CHID1: variants seen among roughly 807,000 people sequenced by gnomAD.
The protein encoded by CHID1 is chitinase domain containing 1.
Under a neutral mutation model 55.4 loss-of-function variants are expected in CHID1, and 44 were observed. The observed-to-expected ratio is 0.79, with a 90% CI of 0.62 to 1.02. The LOEUF (loss-of-function observed/expected upper bound fraction) is 1.02, where lower values mean the gene tolerates loss of function less well. CHID1 is among the 50% of genes least tolerant of loss of function. The pLI, the probability that CHID1 is intolerant of heterozygous loss-of-function variation, is 0.00. For missense variants in CHID1, 491 were observed against 515.3 expected, an observed-to-expected ratio of 0.95 and a Z score of 0.46; for synonymous variants, 216 against 212.9, an observed-to-expected ratio of 1.01 and a Z score of -0.13.
chr11:892,572 G>A (rs1850924644), intron 8 of CHID1, among the ~76,000 whole-genome samples: 1 of 152,178 alleles, frequency 6.6e-6, no homozygotes. Flanking sequence ...CAACTGCGCT[G>A]TGCTGGGAGC....
rs1024684308 is a variant in CHID1 at position 884,004 on chromosome 11, G to A, written c.803+64C>T. 8 of 1,292,600 alleles carry A rather than the reference G, an allele frequency of 6.2e-6. 1 individual carries two copies. The highest frequency in any genetic ancestry group is 5.8e-5 in the African/African-American group (4 of 68,720). The allele number at this position is 1,292,600 out of a possible 1,614,324, so 80.1% of individuals were successfully genotyped here. ...TCAGCTGTGCCCAGGAGCCCCCCAG[G>A]TCCACACTCACTGCTGCACTGTGGA... On this transcript the variant is annotated intron_variant, in intron 9 of 12. Transcript: ENST00000323578.
chr11:891,490 G>A (rs572207020), intron 8 of CHID1, among the ~76,000 whole-genome samples: 1 of 152,334 alleles, frequency 6.6e-6, no homozygotes, highest in East Asian at 1.9e-4. Context: ...CTCAGGCAGA[G>A]GCTGCCACCA....
chr11:894,832 A>C (rs566471724), intron 7 of CHID1, among the ~76,000 whole-genome samples: 3 of 152,302 alleles, frequency 2.0e-5, no homozygotes, highest in African/African-American at 7.2e-5. Flanking sequence ...GGCATGTGCA[A>C]CTGCTGCATA....
intron 7 of CHID1, 123 bp from the exon 8 acceptor site, chr11:893,642 C>A (rs1851019374): frequency 1.4e-6 from 1 of 695,808 alleles, no homozygotes; most frequent in Admixed American, 3.0e-5. Context: ...TGCAGCAGGG[C>A]AGGTGGGCCC....
intron 10 of CHID1, among the ~76,000 whole-genome samples, chr11:882,112 G>A (rs959707734): frequency 1.3e-5 from 2 of 152,126 alleles, no homozygotes; most frequent in African/African-American, 4.8e-5. Flanking sequence ...GGATCATGAG[G>A]TCAGGAGATC....
At chr11:895,023 A>G (rs1851157336) in intron 7 of CHID1, among the ~76,000 whole-genome samples, 1 of 152,172 alleles carries the variant, frequency 6.6e-6, no homozygotes, top group African/African-American at 2.4e-5. Flanking sequence ...ACGCCTCTGC[A>G]GCTGTGTCCA....
At chr11:903,374 A>G (rs961499783) in intron 2 of CHID1, among the ~76,000 whole-genome samples, 7 of 152,194 alleles carry the variant, frequency 4.6e-5, no homozygotes, top group Non-Finnish European at 8.8e-5. Flanking sequence ...AGGCAGGCAG[A>G]CAGACAGTTA....
chr11:900,487 G>A (rs1241404832), intron 5 of CHID1, among the ~76,000 whole-genome samples: 1 of 152,160 alleles, frequency 6.6e-6, no homozygotes, highest in East Asian at 1.9e-4. Context: ...TTGGCAACTT[G>A]TGCTCTTAAT....
intron 10 of CHID1, among the ~76,000 whole-genome samples, chr11:873,072 G>A (rs529691892): frequency 1.3e-5 from 2 of 152,292 alleles, no homozygotes; most frequent in Non-Finnish European, 2.9e-5. Flanking sequence ...AGCAGGCCCT[G>A]GGGACGAGGA....
At chr11:886,649 G>A (rs574752259) in intron 8 of CHID1, among the ~76,000 whole-genome samples, 3 of 152,186 alleles carry the variant, frequency 2.0e-5, no homozygotes, top group South Asian at 2.1e-4. Flanking sequence ...TCTGCCATGC[G>A]AGGACACAGC....
At chr11:905,752 G>A (rs996687577) in intron 1 of CHID1, among the ~76,000 whole-genome samples, 6 of 152,120 alleles carry the variant, frequency 3.9e-5, no homozygotes, top group African/African-American at 1.4e-4. Context: ...TAAGTACTAG[G>A]AGAAAATATA....
chr11:910,932 G>A (rs978394926), upstream of CHID1: 36 of 694,868 alleles, frequency 5.2e-5, no homozygotes, highest in Non-Finnish European at 6.4e-5. Flanking sequence ...AGGGCTGCCC[G>A]AAAGTCGGGG....
upstream of CHID1, chr11:910,885 G>C (rs900986460): frequency 2.0e-5 from 21 of 1,036,490 alleles, no homozygotes; most frequent in Non-Finnish European, 2.4e-5. Flanking sequence ...CGGCACGCTG[G>C]GATGGAGAGG....
chr11:887,623 C>A (rs975029586), intron 8 of CHID1, among the ~76,000 whole-genome samples: 2 of 152,234 alleles, frequency 1.3e-5, no homozygotes, highest in African/African-American at 4.8e-5. Flanking sequence ...AATCTCATGG[C>A]AGCCCTGTCA....
At position 900,877 on chromosome 11, in the gene CHID1, C is replaced by A; in HGVS notation, c.439+59G>T. Reference sequence around the variant, plus strand: ...GAACACGTGGAGACCCCAGTGCCCACCTGTCCACCCCCGCAGTTTGAGCCA... The same window carrying A: ...GAACACGTGGAGACCCCAGTGCCCAACTGTCCACCCCCGCAGTTTGAGCCA... On this transcript the variant is annotated intron_variant, in intron 5 of 12. Transcript: ENST00000323578. The A allele has an allele frequency of 6.1e-6, 9 of 1,475,330 alleles. No individual in the cohort carries two copies. The South Asian group carries it at 9.6e-5, about 16-fold the overall frequency. The allele number at this position is 1,475,330 out of a possible 1,614,324, so 91.4% of individuals were successfully genotyped here.
At chr11:877,625 G>A (rs1271440235) in intron 10 of CHID1, among the ~76,000 whole-genome samples, 1 of 152,218 alleles carries the variant, frequency 6.6e-6, no homozygotes, top group African/African-American at 2.4e-5. Flanking sequence ...ATGGTGTAAT[G>A]GGCTGAGCTG....
At chr11:896,072 C>T (rs993526704) in intron 7 of CHID1, among the ~76,000 whole-genome samples, 13 of 151,888 alleles carry the variant, frequency 8.6e-5, no homozygotes, top group African/African-American at 3.1e-4. Flanking sequence ...ACGAGGCCGT[C>T]TCAGCACCCG....
upstream of CHID1, among the ~76,000 whole-genome samples, chr11:912,837 CA>C (rs59345654): frequency 0.91 from 123,505 of 135,968 alleles, 56,185 homozygotes; most frequent in East Asian, 0.98. Flanking sequence ...GACTCTGCCT[CA>C]AAAAAAAAAA....
chr11:913,834 G>A (rs1427142408), upstream of CHID1, among the ~76,000 whole-genome samples: 6 of 151,908 alleles, frequency 3.9e-5, no homozygotes, highest in Non-Finnish European at 8.8e-5. Flanking sequence ...GGAGGCCAAG[G>A]CAGGAGGATC....
Sources: gnomAD v4.1 joint callset for allele counts (sites outside exome capture counted in the v4.1 genomes callset) on GRCh38, gnomAD v4.1.1 for gene constraint, MANE v1.5 for transcripts, NCBI Gene and HGNC (gene_info 2026-07-23, HGNC 2026-07-21) for gene names.